The following OSBPL8 variants were observed in gnomAD, a reference collection of about 807,000 sequenced individuals.
OSBPL8 encodes the protein oxysterol-binding protein-related protein 8.
A neutral mutation model predicts 125.5 loss-of-function variants in OSBPL8; 59 were observed. That is an observed-to-expected ratio of 0.47 (90% confidence interval 0.38 to 0.58). OSBPL8 has a LOEUF of 0.58. Among genes scored for constraint, OSBPL8 ranks in the 20% least tolerant of loss-of-function variants. The probability of loss-of-function intolerance (pLI) is 0.00; values close to 1 mark genes in which losing one functional copy is unlikely to be tolerated. For missense variants in OSBPL8, 758 were observed against 1,047.8 expected (o/e 0.72, Z 3.82); for synonymous variants, 330 against 338.9 (o/e 0.97, Z 0.29).
intron 21 of OSBPL8, among the ~76,000 whole-genome samples, chr12:76,365,876 A>C (rs1030268924): frequency 6.6e-6 from 1 of 152,090 alleles, no homozygotes; most frequent in African/African-American, 2.4e-5. Context: ...CCCCCCTCTT[A>C]ATGTGATATA....
Position 76,354,816 on chromosome 12 carries a change from GTAGA to G in OSBPL8, c.*1069_*1072del, listed in dbSNP as rs1425160657. The G allele has an allele frequency of 2.0e-5, 3 of 151,926 alleles. No homozygotes were observed. The highest frequency in any genetic ancestry group is 7.2e-5 in the African/African-American group (3 of 41,426). The allele number at this position is 151,926 out of a possible 1,614,324, so 9.4% of individuals were successfully genotyped here. On this transcript the variant is annotated 3_prime_UTR_variant, in exon 24 of 24. Coordinates refer to ENST00000261183, the MANE Select transcript of OSBPL8 (RefSeq NM_020841.5). ...TAAACTTCAGAACTTGATACTCTTC[GTAGA>G]TACTCAACTTATTACACGTTTTACA...
chr12:76,436,514 CA>C (rs568720307), intron 4 of OSBPL8, among the ~76,000 whole-genome samples: 20 of 143,782 alleles, frequency 1.4e-4, no homozygotes, highest in Admixed American at 1.4e-4. Context: ...AAGACACATT[CA>C]AAAAAAAAAG....
chr12:76,493,890 T>G (rs370881918), intron 1 of OSBPL8, among the ~76,000 whole-genome samples: 1 of 152,186 alleles, frequency 6.6e-6, no homozygotes. Flanking sequence ...TTTCATTCTT[T>G]TTCTTTTCTG....
At chr12:76,412,775 C>T (rs1445770539) in intron 4 of OSBPL8, among the ~76,000 whole-genome samples, 2 of 152,160 alleles carry the variant, frequency 1.3e-5, no homozygotes, top group Non-Finnish European at 2.9e-5. Context: ...TGTTGACCAA[C>T]ATCAACAAGT....
intron 1 of OSBPL8, among the ~76,000 whole-genome samples, chr12:76,504,591 C>T (rs1880230869): frequency 6.6e-6 from 1 of 152,196 alleles, no homozygotes; most frequent in Non-Finnish European, 1.5e-5. Context: ...AGGGATTCGA[C>T]CTAACCAACT....
chr12:76,527,139 T>A (rs553978039), intron 1 of OSBPL8, among the ~76,000 whole-genome samples: 1 of 150,490 alleles, frequency 6.6e-6, no homozygotes, highest in African/African-American at 2.5e-5. Context: ...ATTGCTGACA[T>A]AATCACTGCA....
At chr12:76,544,783 T>C (rs1490254500) in intron 1 of OSBPL8, among the ~76,000 whole-genome samples, 2 of 152,072 alleles carry the variant, frequency 1.3e-5, no homozygotes, top group Non-Finnish European at 2.9e-5. Flanking sequence ...AAGGTTCAAC[T>C]TCTCACTTAG....
chr12:76,430,921 T>C (rs1209441409), intron 4 of OSBPL8, among the ~76,000 whole-genome samples: 1 of 152,158 alleles, frequency 6.6e-6, no homozygotes, highest in Non-Finnish European at 1.5e-5. Context: ...CATAAAAGCA[T>C]ATGAAAGTAT....
At chr12:76,503,984 A>T (rs559037714) in intron 1 of OSBPL8, among the ~76,000 whole-genome samples, 5 of 151,952 alleles carry the variant, frequency 3.3e-5, no homozygotes, top group Non-Finnish European at 7.4e-5. Flanking sequence ...GTTGCTGTGA[A>T]GACTTTTTTT....
chr12:76,444,850 A>G (rs928603159), intron 4 of OSBPL8, among the ~76,000 whole-genome samples: 4 of 152,220 alleles, frequency 2.6e-5, no homozygotes, highest in African/African-American at 7.2e-5. Context: ...CTACTGCTCT[A>G]AGCAACAGTA....
chr12:76,371,680 A>C, intron 18 of OSBPL8, 96 bp from the exon 19 acceptor site: 2 of 1,116,734 alleles, frequency 1.8e-6, no homozygotes, highest in Non-Finnish European at 2.3e-6. Flanking sequence ...CTTCTGGTTA[A>C]TCCTCCAGTT....
intron 4 of OSBPL8, among the ~76,000 whole-genome samples, chr12:76,445,801 A>G (rs1592695980): frequency 6.6e-6 from 1 of 152,210 alleles, no homozygotes; most frequent in African/African-American, 2.4e-5. Flanking sequence ...CATTTCTTAT[A>G]AAGTGAAACA....
In OSBPL8 at chr12:76,422,877, T is replaced by A. The variant is rs549563396; in HGVS notation, c.218-12243A>T. The A allele has an allele frequency of 1.5e-3, 321 of 214,640 alleles. 1 individual carries two copies. The highest frequency in any genetic ancestry group is 6.8e-3 in the African/African-American group (305 of 44,736). The allele number at this position is 214,640 out of a possible 1,614,324, so 13.3% of individuals were successfully genotyped here. On this transcript the variant is annotated intron_variant, in intron 4 of 23. Coordinates refer to ENST00000261183, the MANE Select transcript of OSBPL8 (RefSeq NM_020841.5). ...GCATTAAACCATGCTGCTGATTTTT[T>A]AAAAAAAGGAACTGATAAACATGAA...
chr12:76,518,706 C>G (rs1055072773), intron 1 of OSBPL8, among the ~76,000 whole-genome samples: 1 of 152,166 alleles, frequency 6.6e-6, no homozygotes. Flanking sequence ...CTCTTAACAC[C>G]ACATGGAAGC....
At chr12:76,409,839 A>C (rs1166615317) in intron 5 of OSBPL8, among the ~76,000 whole-genome samples, 1 of 152,206 alleles carries the variant, frequency 6.6e-6, no homozygotes, top group Non-Finnish European at 1.5e-5. Context: ...GCTGAGAATA[A>C]CAGAGAATTC....
intron 12 of OSBPL8, among the ~76,000 whole-genome samples, chr12:76,387,775 C>T (rs1335644508): frequency 6.6e-6 from 1 of 152,140 alleles, no homozygotes; most frequent in Non-Finnish European, 1.5e-5. Context: ...TCTGGAGTAA[C>T]AACCCTCTGA....
chr12:76,412,275 T>C (rs573348177), intron 4 of OSBPL8, among the ~76,000 whole-genome samples: 8 of 152,126 alleles, frequency 5.3e-5, no homozygotes, highest in Non-Finnish European at 1.0e-4. Context: ...AAACAATCTA[T>C]GGCGTTAGAG....
rs780648289 is a variant in OSBPL8, at chr12:76,394,613, C to T, written c.757+32G>A. On this transcript the variant is annotated intron_variant, in intron 9 of 23. Coordinates refer to ENST00000261183, the MANE Select transcript of OSBPL8 (RefSeq NM_020841.5). ...TTAAAAAAACTCTTAAAAATGAAGA[C>T]CAAAATCCAATCCATCAAAAACTAT... is the stretch of plus-strand genomic sequence containing the variant. The T allele has an allele frequency of 3.2e-6, 5 of 1,552,808 alleles. No individual in the cohort carries two copies. In the South Asian group the frequency reaches 3.5e-5, roughly 11 times the overall value.
chr12:76,368,912 G>A (rs1010663039), intron 21 of OSBPL8, among the ~76,000 whole-genome samples: 1 of 152,102 alleles, frequency 6.6e-6, no homozygotes, highest in Admixed American at 6.6e-5. Flanking sequence ...GACTGCTACT[G>A]CACTGGGATG....
Sources: allele counts gnomAD v4.1 joint callset (sites outside exome capture counted in the v4.1 genomes callset), GRCh38; gene constraint gnomAD v4.1.1; transcripts MANE v1.5; gene names NCBI Gene and HGNC (gene_info 2026-07-23, HGNC 2026-07-21).